Variants in CPLANE1 observed in about 807,000 individuals in gnomAD.
CPLANE1 encodes the protein ciliogenesis and planar polarity effector 1.
CPLANE1 carries 263 observed loss-of-function variants against 362.5 expected under a neutral mutation model. That is an observed-to-expected ratio of 0.73 (90% confidence interval 0.66 to 0.80). The LOEUF is 0.80. CPLANE1 is among the 30% of genes least tolerant of loss of function. The pLI, the probability that CPLANE1 is intolerant of heterozygous loss-of-function variation, is 0.00. For synonymous variants in CPLANE1, 1,212 were observed against 1,302.6 expected (o/e 0.93, Z 1.50); for missense variants, 3,461 against 3,793.4 (o/e 0.91, Z 2.30).
At chr5:37,215,051 T>A (rs1433176465) in intron 15 of CPLANE1, among the ~76,000 whole-genome samples, 1 of 152,100 alleles carries the variant, frequency 6.6e-6, no homozygotes, top group African/African-American at 2.4e-5. Context: ...CCCTTATGAT[T>A]TTTTTTTCTC....
In CPLANE1 at chr5:37,107,223, T is replaced by C. The variant is rs528073932; in HGVS notation, c.*379A>G. On this transcript the variant is annotated 3_prime_UTR_variant, in exon 53 of 53. Coordinates refer to ENST00000651892, the MANE Select transcript of CPLANE1 (RefSeq NM_001384732.1). Reference sequence around the variant, plus strand: ...TCAATGAAAAGATTTTTTTTTTTCCTATTAGATTCATCTGTATATGGTTGT... The same window carrying C: ...TCAATGAAAAGATTTTTTTTTTTCCCATTAGATTCATCTGTATATGGTTGT... The C allele has an allele frequency of 5.0e-6, 5 of 993,674 alleles. No individual in the cohort carries two copies. The South Asian group carries it at 2.3e-4, about 47-fold the overall frequency. 61.6% of individuals were successfully genotyped at this position (993,674 alleles called of 1,614,324 possible).
At chr5:37,084,639 G>C in the CPLANE1 span, among the ~76,000 whole-genome samples, 1 of 151,992 alleles carries the variant, frequency 6.6e-6, no homozygotes, top group African/African-American at 2.4e-5. Context: ...AATTAGCCAG[G>C]CGTGGTGGCA....
intron 51 of CPLANE1, among the ~76,000 whole-genome samples, chr5:37,113,608 C>G (rs1760000565): frequency 6.6e-6 from 1 of 152,010 alleles, no homozygotes; most frequent in South Asian, 2.1e-4. Context: ...AATAGATCTT[C>G]TAGAAAATAC....
intron 34 of CPLANE1, 94 bp downstream of exon 34, chr5:37,168,697 T>A: frequency 9.7e-7 from 1 of 1,027,428 alleles, no homozygotes. Context: ...CATTTTTTTA[T>A]GTACAAGAGC....
intron 11 of CPLANE1, 75 bp downstream of exon 11, chr5:37,227,168 A>G (rs1796643191): frequency 3.3e-6 from 5 of 1,515,722 alleles, no homozygotes; most frequent in Admixed American, 4.3e-5. Context: ...TCCCTTTAAC[A>G]AGAGAAAAAC....
chr5:37,162,714 C>G (rs1777154019), intron 37 of CPLANE1, 148 bp from the exon 38 acceptor site: 7 of 518,448 alleles, frequency 1.4e-5, no homozygotes, highest in Non-Finnish European at 2.4e-5. Context: ...GAGTCTGGCT[C>G]TGCTGCCCAG....
Position 37,205,428 on chromosome 5 carries a change from G to A in CPLANE1, c.3176C>T (p.Pro1059Leu). The change falls in exon 18 of 53, where the codon CCA (proline) becomes CTA (leucine). Residue 1059 changes from proline to leucine, a missense_variant. Physicochemically the swap from Pro to Leu is moderately conservative, Grantham distance 98 (BLOSUM62 -3). Coordinates refer to ENST00000651892, the MANE Select transcript of CPLANE1 (RefSeq NM_001384732.1). ...AATCTGTGCTGGAGTCATACGGAGT[G>A]GTAGATTCAGACTCTTTTTCTTGGA... ...MRSKKKSLNL[P>L]LRMTPAQIFQ... is the part of the protein sequence containing the mutation. The A allele has an allele frequency of 6.5e-7, 1 of 1,544,294 alleles. No individual in the cohort carries two copies. The highest frequency in any genetic ancestry group is 8.7e-7 in the Non-Finnish European group (1 of 1,143,730).
At chr5:37,111,537 A>T (rs1478425549) in intron 51 of CPLANE1, among the ~76,000 whole-genome samples, 1 of 152,212 alleles carries the variant, frequency 6.6e-6, no homozygotes, top group Non-Finnish European at 1.5e-5. Flanking sequence ...CCAAAGTGGC[A>T]GCTTTCCAAA....
the CPLANE1 span, among the ~76,000 whole-genome samples, chr5:37,093,022 A>G: frequency 6.6e-6 from 1 of 152,136 alleles, no homozygotes; most frequent in Non-Finnish European, 1.5e-5. Flanking sequence ...CTACCAGTCA[A>G]TTTGACATGC....
chr5:37,108,189 C>T, intron 52 of CPLANE1, 104 bp downstream of exon 52: 1 of 1,115,048 alleles, frequency 9.0e-7, no homozygotes, highest in African/African-American at 1.6e-5. Flanking sequence ...TCAGTATTTC[C>T]ACATCCCACA....
In CPLANE1 at chr5:37,157,382, C is replaced by T. The variant is rs111294855; in HGVS notation, c.8050G>A (p.Ala2684Thr). 4,095 of 1,420,500 alleles carry T rather than the reference C, an allele frequency of 2.9e-3. 11 individuals are homozygous for T. Among genetic ancestry groups the T allele is most frequent in the Non-Finnish European group, 3.6e-3 (3,887 of 1,066,826 alleles). The allele number at this position is 1,420,500 out of a possible 1,614,324, so 88.0% of individuals were successfully genotyped here. ...GGCTCCTTCACTTCTGTAATGCCTG[C>T]TCTCAAGCTTTTTCCATCCAGACAA... ...PACLDGKSLR[A>T]GITEVKEPSV... The change falls in exon 41 of 53, where the codon GCA (alanine) becomes ACA (threonine). Residue 2684 changes from alanine (A) to threonine (T), a missense_variant. Ala to Thr is a moderately conservative substitution (Grantham distance 58). Around this residue, in one of 2 missense-constraint regions of CPLANE1, gnomAD observed 3,380 missense variants for 3,666.1 expected, o/e 0.92. Transcript: ENST00000651892.
chr5:37,089,988 C>T, the CPLANE1 span, among the ~76,000 whole-genome samples: 1 of 152,006 alleles, frequency 6.6e-6, no homozygotes, highest in Non-Finnish European at 1.5e-5. Context: ...ATTCCTCTGT[C>T]GTAAAGAAAT....
At chr5:37,103,438 T>C (rs541470632), downstream of CPLANE1, among the ~76,000 whole-genome samples, 2 of 152,292 alleles carry the variant, frequency 1.3e-5, no homozygotes, top group South Asian at 4.1e-4. Context: ...TGCAGACTTG[T>C]TTTATGTGGT....
intron 29 of CPLANE1, among the ~76,000 whole-genome samples, chr5:37,178,659 G>A (rs13176996): frequency 0.21 from 31,491 of 151,686 alleles, 3,814 homozygotes; most frequent in East Asian, 0.34. Flanking sequence ...AATTGGAAAT[G>A]TCTATGTTCC....
the CPLANE1 span, among the ~76,000 whole-genome samples, chr5:37,097,166 T>G: frequency 6.6e-6 from 1 of 151,932 alleles, no homozygotes; most frequent in Non-Finnish European, 1.5e-5. Context: ...CTGGTCAACA[T>G]AGCAAGACCC....
chr5:37,164,096 T>C (rs1777603490), intron 37 of CPLANE1, among the ~76,000 whole-genome samples, 177 bp downstream of exon 37: 1 of 152,194 alleles, frequency 6.6e-6, no homozygotes, highest in South Asian at 2.1e-4. Flanking sequence ...TCCCAATTTC[T>C]GTGGGTTTTC....
At chr5:37,206,121 A>T in intron 17 of CPLANE1, 76 bp downstream of exon 17, 1 of 977,674 alleles carries the variant, frequency 1.0e-6, no homozygotes, top group Non-Finnish European at 1.6e-6. Flanking sequence ...CATAAAATGT[A>T]AATACCAGCA....
At chr5:37,100,743 T>C in the CPLANE1 span, among the ~76,000 whole-genome samples, 1 of 152,224 alleles carries the variant, frequency 6.6e-6, no homozygotes, top group South Asian at 2.1e-4. Context: ...CTCCTATCCA[T>C]GAGCATGGAA....
intron 47 of CPLANE1, among the ~76,000 whole-genome samples, chr5:37,122,750 C>T (rs956384901): frequency 6.6e-6 from 1 of 152,074 alleles, no homozygotes; most frequent in African/African-American, 2.4e-5. Flanking sequence ...CTCGTCTCTA[C>T]TAAAAATACA....
Sources: gnomAD v4.1 joint callset for allele counts (sites outside exome capture counted in the v4.1 genomes callset) on GRCh38, gnomAD v4.1.1 for gene constraint, gnomAD v4.1.1 regional missense constraint, MANE v1.5 for transcripts, NCBI Gene and HGNC (gene_info 2026-07-23, HGNC 2026-07-21) for gene names.